Variants in KTN1 observed in about 807,000 individuals in gnomAD.
The protein encoded by KTN1 is kinectin 1, also known as kinectin.
A neutral mutation model predicts 222.5 loss-of-function variants in KTN1; 130 were observed. The observed-to-expected ratio is 0.58, with a 90% confidence interval of 0.51 to 0.68. The LOEUF (loss-of-function observed/expected upper bound fraction) is 0.68, where lower values mean the gene tolerates loss of function less well. Ranked by LOEUF, KTN1 falls within the 30% of genes least tolerant of loss-of-function variation. The pLI is 0.00. For synonymous variants in KTN1, 512 were observed against 496.3 expected (o/e 1.03, Z -0.42); for missense variants, 1,508 against 1,500.4 (o/e 1.01, Z -0.08).
At chr14:55,599,463 A>AT (rs898683140) in intron 1 of KTN1, among the ~76,000 whole-genome samples, 56 of 147,966 alleles carry the variant, frequency 3.8e-4, no homozygotes, top group Middle Eastern at 3.5e-3. Flanking sequence ...CCATTGAGCC[A>AT]TTTTTTTTTT....
chr14:55,612,429 G>A lies in KTN1; in HGVS notation c.381G>A (p.Glu127=), dbSNP rs772413065. 1.9e-6 allele frequency: 3 copies of A among 1,614,080 alleles called. No individual in the cohort carries two copies. Among genetic ancestry groups the A allele is most frequent in the Non-Finnish European group, 2.5e-6 (3 of 1,179,994 alleles). ...AGAAACAAAAGCCTGTGCTTGAAGA[G>A]CAGGTCATCAAAGAAAGTGACGCAT... ...KEKKQKPVLE[E]QVIKESDASK... Residue 127 remains glutamate (E), a synonymous_variant, in exon 2 of 44, where the codon GAG becomes GAA. Coordinates refer to ENST00000395314, the MANE Select transcript of KTN1 (RefSeq NM_001079521.2).
Position 55,612,225 on chromosome 14 carries a change from G to A in KTN1, c.177G>A (p.Lys59=). ...PTKTDKKKAE[K]KKNKKKEIQN... ...AAACAGATAAAAAGAAAGCAGAAAAGAAAAAGAATAAAAAGAAAGAAATCC... is the reference window on the plus strand; with the variant it reads ...AAACAGATAAAAAGAAAGCAGAAAAAAAAAAGAATAAAAAGAAAGAAATCC... Residue 59 remains lysine, a synonymous_variant, in exon 2 of 44, where the codon AAG becomes AAA. Coordinates refer to ENST00000395314, the MANE Select transcript of KTN1 (RefSeq NM_001079521.2). 2 of 1,584,468 alleles carry A rather than the reference G, an allele frequency of 1.3e-6. No homozygotes were observed. The highest frequency in any genetic ancestry group is 1.7e-6 in the Non-Finnish European group (2 of 1,172,546).
At chr14:55,645,099 G>A (rs1350190313) in intron 18 of KTN1, among the ~76,000 whole-genome samples, 1 of 152,148 alleles carries the variant, frequency 6.6e-6, no homozygotes, top group Non-Finnish European at 1.5e-5. Context: ...TAGAGGAAGA[G>A]ATAATGCATT....
chr14:55,629,325 G>C (rs2040232434), intron 6 of KTN1, among the ~76,000 whole-genome samples: 1 of 151,100 alleles, frequency 6.6e-6, no homozygotes, highest in Admixed American at 6.6e-5. Context: ...GGCTGAGGCA[G>C]GAGAATGGTG....
intron 2 of KTN1, among the ~76,000 whole-genome samples, chr14:55,613,395 C>G (rs978741210): frequency 6.6e-6 from 1 of 151,234 alleles, no homozygotes; most frequent in South Asian, 2.1e-4. Context: ...ATTGGCGTGG[C>G]GATGTGTGAA....
intron 42 of KTN1, 22 bp from the exon 43 acceptor site, chr14:55,679,538 TTATCA>T: frequency 6.3e-7 from 1 of 1,584,170 alleles, no homozygotes; most frequent in Non-Finnish European, 8.6e-7. Flanking sequence ...TGTATGGAGT[TTATCA>T]TCACTTCCAT....
intron 43 of KTN1, 43 bp from the exon 44 acceptor site, chr14:55,684,056 G>A (rs770236048): frequency 4.5e-6 from 7 of 1,570,038 alleles, no homozygotes; most frequent in Non-Finnish European, 6.1e-6. Flanking sequence ...GCCTTCTGTT[G>A]CTTTGTTTTA....
chr14:55,663,811 T>G, intron 32 of KTN1, 144 bp from the exon 33 acceptor site: 1 of 577,250 alleles, frequency 1.7e-6, no homozygotes, highest in African/African-American at 1.9e-5. Flanking sequence ...TGCTTTTTAT[T>G]TTTTTGCTAA....
intron 1 of KTN1, among the ~76,000 whole-genome samples, chr14:55,591,605 T>TG (rs2034153825): frequency 7.5e-6 from 1 of 133,094 alleles, no homozygotes; most frequent in Non-Finnish European, 1.7e-5. Flanking sequence ...TTTTTTTTTT[T>TG]GAGACGGAAT....
chr14:55,678,973 T>C (rs2046132114), intron 42 of KTN1: 1 of 156,738 alleles, frequency 6.4e-6, no homozygotes, highest in Non-Finnish European at 1.4e-5. Flanking sequence ...TGGCCTAGAG[T>C]ATAGACTCTG....
chr14:55,604,704 T>C (rs777643036), intron 1 of KTN1, among the ~76,000 whole-genome samples: 1 of 152,162 alleles, frequency 6.6e-6, no homozygotes, highest in Admixed American at 6.5e-5. Context: ...TCCTGACATA[T>C]GGTCAGTGCT....
intron 2 of KTN1, among the ~76,000 whole-genome samples, chr14:55,615,139 TATC>T (rs926996459): frequency 6.6e-6 from 1 of 152,202 alleles, no homozygotes; most frequent in East Asian, 1.9e-4. Flanking sequence ...AGAAGAGAAT[TATC>T]ATGGGAACTG....
chr14:55,634,509 C>G lies in KTN1; in HGVS notation c.1329-17C>G. 1.3e-6 allele frequency: 2 copies of G among 1,591,128 alleles called. No homozygotes were observed. The highest frequency in any genetic ancestry group is 2.7e-5 in the African/African-American group (2 of 73,454). ...TTTGTAATAACGGAAGGCTCCTAATCCAGTTACTGTTTTCAGGCAGTCTGC... is the reference window on the plus strand; with the variant it reads ...TTTGTAATAACGGAAGGCTCCTAATGCAGTTACTGTTTTCAGGCAGTCTGC... On this transcript the variant is annotated splice_polypyrimidine_tract_variant and intron_variant, in intron 8 of 43. Coordinates refer to ENST00000395314, the MANE Select transcript of KTN1 (RefSeq NM_001079521.2).
chr14:55,683,705 C>G (rs1255884194), intron 43 of KTN1: 2 of 23,796 alleles, frequency 8.4e-5, no homozygotes, highest in African/African-American at 2.0e-4. Flanking sequence ...TTCATATGAC[C>G]TAAAAAAAAA....
intron 1 of KTN1, among the ~76,000 whole-genome samples, chr14:55,589,529 C>T (rs191716913): frequency 2.0e-5 from 3 of 152,038 alleles, no homozygotes; most frequent in South Asian, 2.1e-4. Flanking sequence ...AAGCTGGTCT[C>T]GAACTCCTGA....
intron 43 of KTN1, chr14:55,682,956 T>C (rs577181865): frequency 6.6e-6 from 1 of 152,282 alleles, no homozygotes; most frequent in Admixed American, 6.5e-5. Context: ...TGGAGAGGCT[T>C]ACAGTAGTAT....
rs562805842 is a variant in KTN1, at chr14:55,662,935, C to T, written c.3091-1020C>T. On this transcript the variant is annotated intron_variant, in intron 32 of 43. Transcript: ENST00000395314. ...CATGGTAATGCAGCAGCAGCAGCAG[C>T]GCTGGAGACATTGAACCCGTGTGAA... 32 of 455,970 alleles carry T rather than the reference C, an allele frequency of 7.0e-5. No individual in the cohort carries two copies. In the East Asian group the frequency reaches 1.7e-3, roughly 24 times the overall value. The allele number at this position is 455,970 out of a possible 1,614,324, so 28.2% of individuals were successfully genotyped here.
intron 43 of KTN1, chr14:55,683,795 A>G (rs150537235): frequency 6.9e-6 from 2 of 291,800 alleles, no homozygotes; most frequent in Non-Finnish European, 1.3e-5. Context: ...AGTGCTACTC[A>G]CTCACTTTAG....
rs1566787782 is a variant in KTN1, at chr14:55,646,447, CTTTTCCTTTTCCT to C, written c.2173-522_2173-510del. Among the ~76,000 whole-genome samples, 123 of 96,388 alleles carry C rather than the reference CTTTTCCTTTTCCT, an allele frequency of 1.3e-3. 1 individual carries two copies. Among genetic ancestry groups the C allele is most frequent in the African/African-American group, 4.0e-3 (95 of 23,542 alleles). The allele number at this position is 96,388 out of a possible 152,430, so 63.2% of individuals were successfully genotyped here. A position where few individuals can be genotyped will look rare whatever the true frequency, so the allele number is the denominator to read the frequency against. ...CTTTCCTTCCTTTCCTTTCCTTTTC[CTTTTCCTTTTCCT>C]TTTCCTTTCCTTTCCTTTCCTTTCC... On this transcript the variant is annotated intron_variant, in intron 18 of 43. Transcript: ENST00000395314.
Sources: allele counts gnomAD v4.1 joint callset (sites outside exome capture counted in the v4.1 genomes callset), GRCh38; gene constraint gnomAD v4.1.1; transcripts MANE v1.5; gene names NCBI Gene and HGNC (gene_info 2026-07-23, HGNC 2026-07-21).